CHRM2: variants seen among roughly 807,000 people sequenced by gnomAD.
CHRM2 encodes cholinergic receptor muscarinic 2.
A neutral mutation model predicts 25.0 loss-of-function variants in CHRM2; 8 were observed. The observed-to-expected ratio is 0.32, with a 90% CI of 0.19 to 0.58. CHRM2 has a LOEUF of 0.58. CHRM2 is among the 20% of genes least tolerant of loss of function. CHRM2 has a pLI of 0.88. For synonymous variants in CHRM2, 202 were observed against 205.7 expected, an observed-to-expected ratio of 0.98 and a Z score of 0.15; for missense variants, 440 against 567.1, an observed-to-expected ratio of 0.78 and a Z score of 2.28.
At chr7:137,005,390 T>C (rs1436973329) in intron 3 of CHRM2, among the ~76,000 whole-genome samples, 2 of 152,158 alleles carry the variant, frequency 1.3e-5, no homozygotes, top group Non-Finnish European at 2.9e-5. Context: ...TACTTAACTA[T>C]TATAAGATAT....
At chr7:136,931,184 A>G (rs578056151) in intron 2 of CHRM2, among the ~76,000 whole-genome samples, 208 of 152,322 alleles carry the variant, frequency 1.4e-3, no homozygotes, top group African/African-American at 4.8e-3. Flanking sequence ...GTTCAAAACT[A>G]TGCCTTTTTT....
intron 2 of CHRM2, among the ~76,000 whole-genome samples, chr7:136,986,289 T>C (rs1240998279): frequency 6.6e-6 from 1 of 152,212 alleles, no homozygotes; most frequent in Non-Finnish European, 1.5e-5. Flanking sequence ...TTACTCCCTT[T>C]CCTTCTTTAG....
At chr7:136,938,628 A>T in intron 2 of CHRM2, 1 of 855,266 alleles carries the variant, frequency 1.2e-6, no homozygotes, top group Admixed American at 1.8e-5. Flanking sequence ...GAGAAGCTCG[A>T]GGAGCTCATG....
chr7:136,992,675 C>T (rs1041006103), intron 3 of CHRM2, among the ~76,000 whole-genome samples: 1 of 152,152 alleles, frequency 6.6e-6, no homozygotes, highest in African/African-American at 2.4e-5. Context: ...TCAGCGTTCA[C>T]GTTGATTTTA....
At chr7:136,890,060 C>T (rs1464542520) in intron 2 of CHRM2, among the ~76,000 whole-genome samples, 2 of 152,194 alleles carry the variant, frequency 1.3e-5, no homozygotes, top group Non-Finnish European at 2.9e-5. Flanking sequence ...AATTATCCTA[C>T]ATATATTTTT....
chr7:136,889,109 T>G (rs942654750), intron 2 of CHRM2, among the ~76,000 whole-genome samples: 3 of 144,218 alleles, frequency 2.1e-5, no homozygotes, highest in Non-Finnish European at 4.5e-5. Context: ...TTTCTATCAA[T>G]CATGTAGCTC....
intron 2 of CHRM2, among the ~76,000 whole-genome samples, chr7:136,986,357 AATT>A (rs1451013954): frequency 1.3e-5 from 2 of 152,152 alleles, no homozygotes; most frequent in Non-Finnish European, 2.9e-5. Context: ...TCTATACCCT[AATT>A]ATTTAAAAAA....
rs561701843 is a variant in CHRM2, at chr7:136,969,863, T to C, written c.-124-22324T>C. Among the ~76,000 whole-genome samples the C allele has an allele frequency of 2.0e-5, 3 of 152,260 alleles. No individual in the cohort carries two copies. In the South Asian group the frequency reaches 6.2e-4, roughly 32 times the overall value. On this transcript the variant is annotated intron_variant, in intron 2 of 3. Coordinates refer to ENST00000680005, the MANE Select transcript of CHRM2 (RefSeq NM_001006630.2). ...GTCAGCTGGGACTGCCATAACAAAATACTATAGACTGGGTGGTTTCAATAA... is the reference window on the plus strand; with the variant it reads ...GTCAGCTGGGACTGCCATAACAAAACACTATAGACTGGGTGGTTTCAATAA...
intron 2 of CHRM2, among the ~76,000 whole-genome samples, chr7:136,967,815 G>A (rs2130917592): frequency 1.3e-5 from 2 of 152,052 alleles, no homozygotes; most frequent in East Asian, 3.9e-4. Flanking sequence ...TACAATTAGG[G>A]TCTGAGTAAT....
intron 2 of CHRM2, among the ~76,000 whole-genome samples, chr7:136,940,528 T>C (rs1799706195): frequency 6.6e-6 from 1 of 152,214 alleles, no homozygotes; most frequent in Admixed American, 6.5e-5. Context: ...TTTAAGAGCA[T>C]AGCCAAATGC....
intron 2 of CHRM2, among the ~76,000 whole-genome samples, chr7:136,892,268 C>G (rs1796720963): frequency 6.6e-6 from 1 of 152,150 alleles, no homozygotes; most frequent in Non-Finnish European, 1.5e-5. Flanking sequence ...TTGCTTGATA[C>G]ATGAATTGAG....
rs559451710 is a variant in CHRM2, at chr7:136,935,213, C to T, written c.-124-56974C>T. Among the ~76,000 whole-genome samples the T allele has an allele frequency of 2.0e-3, 173 of 87,162 alleles. 1 individual carries two copies. Among genetic ancestry groups the T allele is most frequent in the African/African-American group, 7.5e-3 (163 of 21,600 alleles). The allele number at this position is 87,162 out of a possible 152,430, so 57.2% of individuals were successfully genotyped here. The stretch of plus-strand genomic sequence containing the variant: ...CTAATTAATGCACTGTACTCCTGTT[C>T]AGGGGGGTAAACACATTGGTGAAAA... On this transcript the variant is annotated intron_variant, in intron 2 of 3. Transcript: ENST00000680005.
intron 3 of CHRM2, among the ~76,000 whole-genome samples, chr7:137,010,723 G>A (rs1804747129): frequency 6.6e-6 from 1 of 151,936 alleles, no homozygotes; most frequent in Admixed American, 6.6e-5. Flanking sequence ...TAAAAATTCA[G>A]AGACTGTAAT....
At chr7:136,900,800 G>A (rs140121616) in intron 2 of CHRM2, among the ~76,000 whole-genome samples, 1 of 152,030 alleles carries the variant, frequency 6.6e-6, no homozygotes, top group Non-Finnish European at 1.5e-5. Flanking sequence ...TGCAGGGTGA[G>A]CAGAGTGGCC....
chr7:136,875,357 G>A (rs1419373329), intron 2 of CHRM2, among the ~76,000 whole-genome samples: 1 of 151,934 alleles, frequency 6.6e-6, no homozygotes, highest in Non-Finnish European at 1.5e-5. Context: ...CTAAATACAT[G>A]GCAAACTAGA....
chr7:136,945,339 C>A (rs1315588146), intron 2 of CHRM2, among the ~76,000 whole-genome samples: 1 of 152,018 alleles, frequency 6.6e-6, no homozygotes, highest in African/African-American at 2.4e-5. Context: ...CCAATGTTAT[C>A]TTCTATAATT....
In CHRM2 at chr7:137,017,328, T is replaced by A. The variant is rs1805241610; in HGVS notation, c.*1062T>A. On this transcript the variant is annotated 3_prime_UTR_variant, in exon 4 of 4. Transcript: ENST00000680005. ...TTTCAACCTGAATTTGCCTGACCCATGTATGAAATGTTAACTTATAGAAAA... is the reference window on the plus strand; with the variant it reads ...TTTCAACCTGAATTTGCCTGACCCAAGTATGAAATGTTAACTTATAGAAAA... The A allele has an allele frequency of 6.6e-6, 1 of 151,930 alleles. No homozygotes were observed. Among genetic ancestry groups the A allele is most frequent in the Non-Finnish European group, 1.5e-5 (1 of 67,906 alleles). 9.4% of individuals were successfully genotyped at this position (151,930 alleles called of 1,614,324 possible).
chr7:136,891,505 T>C (rs148170074), intron 2 of CHRM2, among the ~76,000 whole-genome samples: 1 of 152,328 alleles, frequency 6.6e-6, no homozygotes, highest in African/African-American at 2.4e-5. Flanking sequence ...GACTTATTAC[T>C]GATGATGTTA....
chr7:136,989,042 G>A (rs1803043116), intron 2 of CHRM2, among the ~76,000 whole-genome samples: 1 of 151,932 alleles, frequency 6.6e-6, no homozygotes, highest in African/African-American at 2.4e-5. Context: ...TATAAAAGAG[G>A]AAATTAAAGC....
Sources: allele counts gnomAD v4.1 joint callset (sites outside exome capture counted in the v4.1 genomes callset), GRCh38; gene constraint gnomAD v4.1.1; transcripts MANE v1.5; gene names NCBI Gene and HGNC (gene_info 2026-07-23, HGNC 2026-07-21).